The following PTPRG variants were observed in gnomAD, a reference collection of about 807,000 sequenced individuals.
The protein encoded by PTPRG is protein tyrosine phosphatase receptor type G, also known as receptor-type tyrosine-protein phosphatase gamma.
Under a neutral mutation model 165.3 loss-of-function variants are expected in PTPRG, and 102 were observed. The ratio of observed to expected loss-of-function variants is 0.62; its 90% CI spans 0.53 to 0.73. PTPRG has a LOEUF of 0.73. PTPRG is among the 30% of genes least tolerant of loss of function. The probability of loss-of-function intolerance (pLI) is 0.00; values close to 1 mark genes in which losing one functional copy is unlikely to be tolerated. For missense variants in PTPRG, 1,866 were observed against 1,861.4 expected, an observed-to-expected ratio of 1.00 and a Z score of -0.05; for synonymous variants, 675 against 669.5, an observed-to-expected ratio of 1.01 and a Z score of -0.13.
chr3:62,008,249 A>C (rs570077783), intron 4 of PTPRG, among the ~76,000 whole-genome samples: 1 of 152,352 alleles, frequency 6.6e-6, no homozygotes, highest in South Asian at 2.1e-4. Flanking sequence ...CTCCAGATAA[A>C]ACCTTTGAGA....
At chr3:62,234,704 T>G (rs868529019) in intron 14 of PTPRG, among the ~76,000 whole-genome samples, 10 of 152,144 alleles carry the variant, frequency 6.6e-5, no homozygotes, top group Middle Eastern at 3.2e-3. Context: ...GTTGCAAATA[T>G]TTTTTCCCAA....
chr3:61,988,889 G>A (rs959298859), intron 2 of PTPRG, among the ~76,000 whole-genome samples: 2 of 152,084 alleles, frequency 1.3e-5, no homozygotes, highest in Non-Finnish European at 2.9e-5. Flanking sequence ...ATACCTGATT[G>A]GTACCTATTA....
intron 5 of PTPRG, among the ~76,000 whole-genome samples, chr3:62,130,346 C>T (rs1442304059): frequency 6.6e-6 from 1 of 152,180 alleles, no homozygotes; most frequent in Non-Finnish European, 1.5e-5. Context: ...GTGTCTGCAT[C>T]ATGTTCACTA....
chr3:61,710,477 T>C (rs2106745191), intron 1 of PTPRG, among the ~76,000 whole-genome samples: 1 of 152,322 alleles, frequency 6.6e-6, no homozygotes, highest in East Asian at 1.9e-4. Context: ...TCTCTTAGTC[T>C]CTTGACTAGT....
At chr3:62,193,558 T>C (rs1363853725) in intron 9 of PTPRG, among the ~76,000 whole-genome samples, 1 of 152,296 alleles carries the variant, frequency 6.6e-6, no homozygotes, top group African/African-American at 2.4e-5. Context: ...CTGGAAGTAA[T>C]ACATATCATT....
chr3:61,982,350 G>T (rs1318780597), intron 2 of PTPRG, among the ~76,000 whole-genome samples: 1 of 152,100 alleles, frequency 6.6e-6, no homozygotes, highest in Non-Finnish European at 1.5e-5. Flanking sequence ...AGCCTAGTTA[G>T]GTTTGGGGTG....
chr3:61,909,297 T>A (rs2038740237), intron 2 of PTPRG, among the ~76,000 whole-genome samples: 1 of 152,350 alleles, frequency 6.6e-6, no homozygotes, highest in South Asian at 2.1e-4. Flanking sequence ...AGGTGTACCC[T>A]TTTCAGCTAG....
intron 4 of PTPRG, among the ~76,000 whole-genome samples, chr3:62,056,427 T>A (rs192924621): frequency 2.2e-4 from 33 of 152,308 alleles, no homozygotes; most frequent in African/African-American, 7.5e-4. Flanking sequence ...GATTTTTTTT[T>A]TTAAGCACAT....
chr3:61,744,775 G>A (rs190617355), intron 1 of PTPRG, among the ~76,000 whole-genome samples: 1 of 152,132 alleles, frequency 6.6e-6, no homozygotes, highest in African/African-American at 2.4e-5. Context: ...TAAAAGTCCT[G>A]CCCTGTTCAT....
chr3:61,990,029 T>A (rs1432359814), intron 3 of PTPRG, among the ~76,000 whole-genome samples: 2 of 151,986 alleles, frequency 1.3e-5, no homozygotes, highest in Admixed American at 6.6e-5. Context: ...GATAATAAAG[T>A]ATTATACATC....
chr3:62,081,505 G>A (rs187423535), intron 5 of PTPRG, among the ~76,000 whole-genome samples: 3 of 152,004 alleles, frequency 2.0e-5, no homozygotes, highest in Admixed American at 6.6e-5. Context: ...CACCATGTCC[G>A]GCTAATTTTC....
intron 2 of PTPRG, among the ~76,000 whole-genome samples, chr3:61,946,125 A>G (rs530638435): frequency 7.9e-5 from 12 of 152,352 alleles, no homozygotes; most frequent in African/African-American, 2.4e-4. Flanking sequence ...TGGCCACAAT[A>G]TTATTAACAC....
rs562674988 is a variant in PTPRG, at chr3:61,985,028, G to A, written c.191-4597G>A. Among the ~76,000 whole-genome samples the A allele has an allele frequency of 9.8e-5, 15 of 152,364 alleles. No individual in the cohort carries two copies. In the South Asian group the frequency reaches 3.1e-3, roughly 32 times the overall value. On this transcript the variant is annotated intron_variant, in intron 2 of 29. Transcript: ENST00000474889. The stretch of plus-strand genomic sequence containing the variant: ...CCTGTCAGATGTCCAAGATAGCCAT[G>A]TGGTCTCACTGGGGATGTTAACCTT...
intron 1 of PTPRG, among the ~76,000 whole-genome samples, chr3:61,591,960 C>T (rs1700580200): frequency 1.3e-5 from 2 of 151,994 alleles, no homozygotes; most frequent in South Asian, 4.1e-4. Context: ...AGTGCTCCTC[C>T]ACACAGTGGA....
intron 2 of PTPRG, among the ~76,000 whole-genome samples, chr3:61,836,536 T>G (rs1343775967): frequency 6.6e-6 from 1 of 152,208 alleles, no homozygotes; most frequent in Admixed American, 6.5e-5. Flanking sequence ...TCTTACTACC[T>G]TCCGGGTACT....
chr3:62,160,328 C>A (rs551539802), intron 7 of PTPRG, among the ~76,000 whole-genome samples: 5 of 152,214 alleles, frequency 3.3e-5, no homozygotes, highest in Non-Finnish European at 7.3e-5. Context: ...GTCAGCCCTG[C>A]CAGCCTGTGC....
intron 4 of PTPRG, among the ~76,000 whole-genome samples, chr3:62,068,172 G>T (rs1167182133): frequency 2.0e-5 from 3 of 152,162 alleles, no homozygotes; most frequent in African/African-American, 7.2e-5. Context: ...GAAAATAGTA[G>T]TATTGATTTA....
intron 2 of PTPRG, among the ~76,000 whole-genome samples, chr3:61,933,519 G>A (rs978616065): frequency 1.3e-5 from 2 of 152,324 alleles, no homozygotes; most frequent in South Asian, 2.1e-4. Context: ...TCTGGTGAGT[G>A]TAAGTGATAA....
At chr3:62,272,800 G>A (rs571612698) in intron 21 of PTPRG, 146 bp from the exon 22 acceptor site, 2 of 893,944 alleles carry the variant, frequency 2.2e-6, no homozygotes, top group African/African-American at 1.7e-5. Flanking sequence ...TTGCGCCACT[G>A]CACTCCAGCC....
Sources: allele counts gnomAD v4.1 joint callset (sites outside exome capture counted in the v4.1 genomes callset), GRCh38; gene constraint gnomAD v4.1.1; transcripts MANE v1.5; gene names NCBI Gene and HGNC (gene_info 2026-07-23, HGNC 2026-07-21).